Variants in GABRB2 observed in about 807,000 individuals in gnomAD.
GABRB2 encodes the protein gamma-aminobutyric acid type A receptor subunit beta2, also known as gamma-aminobutyric acid receptor subunit beta-2.
GABRB2 carries 16 observed loss-of-function variants against 54.7 expected under a neutral mutation model. That is an observed-to-expected ratio of 0.29 (90% CI 0.20 to 0.44). The LOEUF (loss-of-function observed/expected upper bound fraction) is 0.44. GABRB2 is among the 20% of genes least tolerant of loss of function. GABRB2 has a pLI of 1.00. For synonymous variants in GABRB2, 244 were observed against 233.8 expected (o/e 1.04, Z -0.40); for missense variants, 355 against 644.0 (o/e 0.55, Z 4.86).
chr5:161,354,743 A>G (rs968022738), intron 5 of GABRB2, among the ~76,000 whole-genome samples: 1 of 151,966 alleles, frequency 6.6e-6, no homozygotes, highest in South Asian at 2.1e-4. Flanking sequence ...AATAAAACAA[A>G]CCTTTTTACT....
intron 3 of GABRB2, among the ~76,000 whole-genome samples, chr5:161,513,272 T>G (rs532180925): frequency 6.6e-6 from 1 of 152,160 alleles, no homozygotes; most frequent in South Asian, 2.1e-4. Flanking sequence ...AGCAATCCCA[T>G]TACTGGATAT....
chr5:161,293,951 G>T lies in GABRB2; in HGVS notation c.*130C>A. ...CCAAATGGTATGAAATGGACCACAGGATAGGCCAGCAACTAAGGTATTTTA... is the reference window on the plus strand; with the variant it reads ...CCAAATGGTATGAAATGGACCACAGTATAGGCCAGCAACTAAGGTATTTTA... On this transcript the variant is annotated 3_prime_UTR_variant, in exon 10 of 10. Coordinates refer to ENST00000393959, the MANE Select transcript of GABRB2 (RefSeq NM_001371727.1). 1.4e-6 allele frequency: 1 copy of T among 701,424 alleles called. No individual in the cohort carries two copies. Among genetic ancestry groups the T allele is most frequent in the Non-Finnish European group, 2.4e-6 (1 of 419,652 alleles). The allele number at this position is 701,424 out of a possible 1,614,324, so 43.5% of individuals were successfully genotyped here.
At chr5:161,337,302 G>A (rs1324724122) in intron 5 of GABRB2, among the ~76,000 whole-genome samples, 5 of 152,144 alleles carry the variant, frequency 3.3e-5, no homozygotes, top group African/African-American at 4.8e-5. Context: ...TTTCAAGTCA[G>A]AAGAGAAGTG....
chr5:161,315,644 A>G (rs1758006681), intron 9 of GABRB2, among the ~76,000 whole-genome samples: 1 of 152,090 alleles, frequency 6.6e-6, no homozygotes, highest in African/African-American at 2.4e-5. Flanking sequence ...GCATCTTTTT[A>G]TGGATTTTTA....
chr5:161,349,950 G>A (rs1331273682), intron 5 of GABRB2, among the ~76,000 whole-genome samples: 4 of 152,224 alleles, frequency 2.6e-5, no homozygotes, highest in Middle Eastern at 3.4e-3. Flanking sequence ...AATAAGAAAT[G>A]TCTGTTTTAA....
chr5:161,545,113 C>T, intron 3 of GABRB2, 114 bp downstream of exon 3: 1 of 639,506 alleles, frequency 1.6e-6, no homozygotes, highest in Non-Finnish European at 2.7e-6. Flanking sequence ...ATGCTCTCAC[C>T]CCCACCTCAT....
At chr5:161,476,194 G>T (rs1758586262) in intron 3 of GABRB2, among the ~76,000 whole-genome samples, 2 of 151,868 alleles carry the variant, frequency 1.3e-5, no homozygotes, top group Admixed American at 1.3e-4. Context: ...ATTTACAATA[G>T]TATCAAAGAG....
chr5:161,382,993 C>T (rs1755513636), intron 5 of GABRB2, among the ~76,000 whole-genome samples: 1 of 152,132 alleles, frequency 6.6e-6, no homozygotes, highest in Non-Finnish European at 1.5e-5. Context: ...ATAAATAGGG[C>T]TTTAAAGGCT....
At chr5:161,530,454 CTT>C (rs1031322137) in intron 3 of GABRB2, among the ~76,000 whole-genome samples, 18 of 152,012 alleles carry the variant, frequency 1.2e-4, no homozygotes, top group African/African-American at 4.3e-4. Context: ...TTTATGGTCT[CTT>C]AGGAAATGTA....
At chr5:161,513,762 G>A (rs373550115) in intron 3 of GABRB2, among the ~76,000 whole-genome samples, 8 of 151,918 alleles carry the variant, frequency 5.3e-5, no homozygotes, top group Middle Eastern at 3.4e-3. Context: ...AAACCTGCAC[G>A]TGCACCTCCT....
intron 3 of GABRB2, among the ~76,000 whole-genome samples, chr5:161,467,974 T>C (rs563435708): frequency 6.6e-6 from 1 of 152,234 alleles, no homozygotes; most frequent in African/African-American, 2.4e-5. Flanking sequence ...CTCTGATCTT[T>C]GCATTTGCAT....
intron 9 of GABRB2, among the ~76,000 whole-genome samples, chr5:161,316,868 T>G (rs1758052937): frequency 6.6e-6 from 1 of 152,176 alleles, no homozygotes; most frequent in Non-Finnish European, 1.5e-5. Flanking sequence ...TGCCTCGGGC[T>G]CCCAAAGTGC....
intron 4 of GABRB2, among the ~76,000 whole-genome samples, chr5:161,457,517 C>T (rs1261996334): frequency 6.7e-6 from 1 of 150,176 alleles, no homozygotes; most frequent in Non-Finnish European, 1.5e-5. Flanking sequence ...GCGATCTCGG[C>T]TCACTACAAG....
At chr5:161,315,056 T>A (rs1255045374) in intron 9 of GABRB2, among the ~76,000 whole-genome samples, 1 of 152,150 alleles carries the variant, frequency 6.6e-6, no homozygotes, top group African/African-American at 2.4e-5. Context: ...AGTATGTTAG[T>A]ATTGTTGTGT....
chr5:161,525,253 G>T (rs1051015835), intron 3 of GABRB2, among the ~76,000 whole-genome samples: 2 of 151,140 alleles, frequency 1.3e-5, no homozygotes, highest in Admixed American at 1.3e-4. Context: ...ATAATGTTTT[G>T]GCCAACACGA....
At chr5:161,390,401 A>C (rs1036126050) in intron 5 of GABRB2, among the ~76,000 whole-genome samples, 10 of 152,150 alleles carry the variant, frequency 6.6e-5, no homozygotes, top group Admixed American at 6.5e-4. Flanking sequence ...TCTCAGAAAG[A>C]CTGAGAAATT....
chr5:161,506,352 C>T (rs1045079275), intron 3 of GABRB2, among the ~76,000 whole-genome samples: 2 of 152,034 alleles, frequency 1.3e-5, no homozygotes, highest in African/African-American at 2.4e-5. Flanking sequence ...GGTAAAACTC[C>T]CATTAGGCAT....
Position 161,336,727 on chromosome 5 carries a change from T to C in GABRB2, c.584A>G (p.Asp195Gly). 6.2e-7 allele frequency: 1 copy of C among 1,611,958 alleles called. No individual in the cohort carries two copies. Among genetic ancestry groups the C allele is most frequent in the Non-Finnish European group, 8.5e-7 (1 of 1,179,550 alleles). ...CGTTACTCCTGTTACTGCATTATCA[T>C]CGCCACGCCAGTAAAACTCAATGTC... is the stretch of plus-strand genomic sequence containing the variant. ...TDDIEFYWRG[D>G]DNAVTGVTKI... Residue 195 changes from aspartate (D) to glycine (G), a missense_variant, in exon 6 of 10, where the codon GAT becomes GGT. By Grantham distance (94) the Asp-to-Gly change is moderately conservative. This residue lies in a region of GABRB2 where 30 missense variants were observed against 33.7 expected (regional missense o/e 0.89). Coordinates refer to ENST00000393959, the MANE Select transcript of GABRB2 (RefSeq NM_001371727.1).
chr5:161,519,892 C>G (rs1256131798), intron 3 of GABRB2, among the ~76,000 whole-genome samples: 5 of 152,020 alleles, frequency 3.3e-5, no homozygotes, highest in Non-Finnish European at 7.4e-5. Flanking sequence ...ACAAGCCAAG[C>G]AAGGTCAAAG....
Sources: allele counts gnomAD v4.1 joint callset (sites outside exome capture counted in the v4.1 genomes callset), GRCh38; gene constraint gnomAD v4.1.1; regional missense constraint gnomAD v4.1.1; transcripts MANE v1.5; gene names NCBI Gene and HGNC (gene_info 2026-07-23, HGNC 2026-07-21).